CFTR: variants seen among roughly 807,000 people sequenced by gnomAD.
CFTR encodes the protein CF transmembrane conductance regulator, also known as cystic fibrosis transmembrane conductance regulator.
CFTR carries 181 observed loss-of-function variants against 171.6 expected under a neutral mutation model. The ratio of observed to expected loss-of-function variants is 1.05; its 90% CI spans 0.93 to 1.19. The LOEUF is 1.19. CFTR is among the 50% of genes most tolerant of loss of function. The probability of loss-of-function intolerance (pLI) is 0.00; values close to 1 mark genes in which losing one functional copy is unlikely to be tolerated. For missense variants in CFTR, 1,968 were observed against 1,734.7 expected (o/e 1.13, Z -2.39); for synonymous variants, 583 against 608.0 (o/e 0.96, Z 0.60).
chr7:117,665,570 T>G lies in CFTR; in HGVS notation c.4242+6T>G. On this transcript the variant is annotated splice_donor_region_variant and intron_variant, in intron 26 of 26. Coordinates refer to ENST00000003084, the MANE Select transcript of CFTR (RefSeq NM_000492.4). ...TGGAATGCCAACAATTTTTGGTGAG[T>G]CTTTATAACTTTACTTAAGATCTCA... 1 of 1,547,902 alleles carries G rather than the reference T, an allele frequency of 6.5e-7. No individual in the cohort carries two copies. The highest frequency in any genetic ancestry group is 8.9e-7 in the Non-Finnish European group (1 of 1,120,142).
chr7:117,606,533 C>G, intron 17 of CFTR, 141 bp from the exon 18 acceptor site: 2 of 617,084 alleles, frequency 3.2e-6, no homozygotes, highest in South Asian at 4.0e-5. Flanking sequence ...ACAAAAATTT[C>G]TAAGTCTATC....
intron 11 of CFTR, among the ~76,000 whole-genome samples, chr7:117,577,604 A>G (rs1791790953): frequency 6.6e-6 from 1 of 152,158 alleles, no homozygotes; most frequent in Non-Finnish European, 1.5e-5. Flanking sequence ...TGCTTTCCTC[A>G]GTATTATCTA....
At chr7:117,494,468 A>G (rs184776668) in intron 1 of CFTR, among the ~76,000 whole-genome samples, 14 of 152,248 alleles carry the variant, frequency 9.2e-5, no homozygotes, top group Non-Finnish European at 1.6e-4. Context: ...CAGAGCATTT[A>G]TGTCCCCAAA....
At chr7:117,492,850 T>C (rs1213691569) in intron 1 of CFTR, among the ~76,000 whole-genome samples, 2 of 152,038 alleles carry the variant, frequency 1.3e-5, no homozygotes, top group Non-Finnish European at 2.9e-5. Flanking sequence ...ACATAATTTA[T>C]GTGTGACTAT....
rs1394905892 is a variant in CFTR, at chr7:117,536,605, A to G, written c.801A>G (p.Glu267=). The G allele has an allele frequency of 1.2e-6, 2 of 1,610,418 alleles. No individual in the cohort carries two copies. Among genetic ancestry groups the G allele is most frequent in the East Asian group, 4.5e-5 (2 of 44,762 alleles). Residue 267 remains glutamate, a synonymous_variant, in exon 7 of 27, where the codon GAA becomes GAG. Coordinates refer to ENST00000003084, the MANE Select transcript of CFTR (RefSeq NM_000492.4). ...TTGTGATTACCTCAGAAATGATTGA[A>G]AATATCCAATCTGTTAAGGCATACT... ...ERLVITSEMI[E]NIQSVKAYCW... is the part of the protein sequence containing the mutation.
intron 24 of CFTR, among the ~76,000 whole-genome samples, chr7:117,654,332 G>A (rs1385825359): frequency 2.6e-5 from 4 of 152,196 alleles, no homozygotes; most frequent in African/African-American, 9.6e-5. Flanking sequence ...CTAGGTGGAG[G>A]CAGCCATCCC....
intron 24 of CFTR, among the ~76,000 whole-genome samples, chr7:117,656,413 T>G (rs1793184478): frequency 6.6e-6 from 1 of 152,194 alleles, no homozygotes; most frequent in African/African-American, 2.4e-5. Flanking sequence ...AAATGCCATA[T>G]GACCTAGATG....
At chr7:117,505,933 G>GC (rs528596828) in intron 2 of CFTR, among the ~76,000 whole-genome samples, 256 of 152,260 alleles carry the variant, frequency 1.7e-3, no homozygotes, top group African/African-American at 5.9e-3. Flanking sequence ...TCAAGGGCCA[G>GC]CTTCTATTAT....
At chr7:117,559,315 C>A in intron 10 of CFTR, 149 bp from the exon 11 acceptor site, 1 of 668,636 alleles carries the variant, frequency 1.5e-6, no homozygotes, top group Non-Finnish European at 2.7e-6. Context: ...GTACCTGAAA[C>A]AGGAAGTATT....
chr7:117,485,116 A>T (rs1798054377), intron 1 of CFTR, among the ~76,000 whole-genome samples: 2 of 152,320 alleles, frequency 1.3e-5, no homozygotes, highest in East Asian at 3.9e-4. Context: ...AAGGTCCTTG[A>T]GTGAGTACTG....
intron 21 of CFTR, 107 bp downstream of exon 21, chr7:117,614,820 A>G (rs1291565702): frequency 6.7e-6 from 5 of 745,364 alleles, no homozygotes; most frequent in Admixed American, 5.8e-5. Context: ...AGCTTAAGAA[A>G]TAAAACATTA....
intron 2 of CFTR, among the ~76,000 whole-genome samples, chr7:117,508,403 C>T (rs1798457353): frequency 6.6e-6 from 1 of 152,110 alleles, no homozygotes; most frequent in African/African-American, 2.4e-5. Context: ...TATTTAATGT[C>T]TATTCTTACT....
intron 7 of CFTR, among the ~76,000 whole-genome samples, chr7:117,538,093 T>G (rs903939117): frequency 2.0e-5 from 3 of 152,216 alleles, no homozygotes; most frequent in Non-Finnish European, 4.4e-5. Context: ...TAGCGAATGT[T>G]TGGTTGTAAC....
At chr7:117,495,386 T>C (rs561966045) in intron 1 of CFTR, among the ~76,000 whole-genome samples, 3 of 152,246 alleles carry the variant, frequency 2.0e-5, no homozygotes, top group African/African-American at 7.2e-5. Context: ...TGTTTCAAGA[T>C]GGGTGGGATT....
chr7:117,585,967 T>C (rs1324090736), intron 11 of CFTR, among the ~76,000 whole-genome samples: 1 of 152,120 alleles, frequency 6.6e-6, no homozygotes, highest in Non-Finnish European at 1.5e-5. Flanking sequence ...AAAAAGAGAA[T>C]ACGATTTGAA....
chr7:117,559,594 T>A lies in CFTR; in HGVS notation c.1523T>A (p.Phe508Tyr), dbSNP rs74571530. ...GGCACCATTAAAGAAAATATCATCT[T>A]TGGTGTTTCCTATGATGAATATAGA... ...MPGTIKENII[F>Y]GVSYDEYRYR... The change falls in exon 11 of 27, where the codon TTT becomes TAT. Residue 508 changes from phenylalanine (F) to tyrosine (Y), a missense_variant. Phe to Tyr is a conservative substitution (Grantham distance 22). Coordinates refer to ENST00000003084, the MANE Select transcript of CFTR (RefSeq NM_000492.4). 6.2e-7 allele frequency: 1 copy of A among 1,609,494 alleles called. No homozygotes were observed. Among genetic ancestry groups the A allele is most frequent in the African/African-American group, 1.3e-5 (1 of 74,808 alleles).
chr7:117,523,495 G>A (rs1480802007), intron 3 of CFTR, among the ~76,000 whole-genome samples: 1 of 151,606 alleles, frequency 6.6e-6, no homozygotes, highest in African/African-American at 2.4e-5. Flanking sequence ...TCCTGCCTCA[G>A]CCTCCCGAGT....
chr7:117,584,613 C>T (rs1422779604), intron 11 of CFTR, among the ~76,000 whole-genome samples: 1 of 152,110 alleles, frequency 6.6e-6, no homozygotes, highest in Admixed American at 6.5e-5. Flanking sequence ...ATGATGCCTC[C>T]AGATTTGTTC....
intron 11 of CFTR, among the ~76,000 whole-genome samples, chr7:117,568,016 G>C (rs1008999489): frequency 2.0e-5 from 3 of 152,172 alleles, no homozygotes; most frequent in Admixed American, 6.6e-5. Context: ...ATTCCAGAAA[G>C]AGAACAAAAT....
Sources: allele counts gnomAD v4.1 joint callset (sites outside exome capture counted in the v4.1 genomes callset), GRCh38; gene constraint gnomAD v4.1.1; transcripts MANE v1.5; gene names NCBI Gene and HGNC (gene_info 2026-07-23, HGNC 2026-07-21).